BAZ2B: variants seen among roughly 807,000 people sequenced by gnomAD.
BAZ2B encodes bromodomain adjacent to zinc finger domain protein 2B.
Under a neutral mutation model 246.0 loss-of-function variants are expected in BAZ2B, and 91 were observed. The ratio of observed to expected loss-of-function variants is 0.37; its 90% CI spans 0.31 to 0.44. The LOEUF (loss-of-function observed/expected upper bound fraction) is 0.44. Among genes scored for constraint, BAZ2B ranks in the 20% least tolerant of loss-of-function variants. The probability of loss-of-function intolerance (pLI) is 1.00; values close to 1 mark genes in which losing one functional copy is unlikely to be tolerated. For synonymous variants in BAZ2B, 855 were observed against 860.0 expected, an observed-to-expected ratio of 0.99 and a Z score of 0.10; for missense variants, 2,332 against 2,533.7, an observed-to-expected ratio of 0.92 and a Z score of 1.71.
intron 2 of BAZ2B, among the ~76,000 whole-genome samples, chr2:159,553,328 G>A (rs1486371664): frequency 7.1e-6 from 1 of 141,052 alleles, no homozygotes; most frequent in Non-Finnish European, 1.5e-5. Context: ...CCAGGAGGCA[G>A]AGGCTGCAGT....
chr2:159,623,168 A>G, the BAZ2B span, among the ~76,000 whole-genome samples: 19 of 150,984 alleles, frequency 1.3e-4, no homozygotes, highest in Non-Finnish European at 1.2e-4. Flanking sequence ...GGAGGAGGGA[A>G]GGAGGGAAGG....
intron 21 of BAZ2B, among the ~76,000 whole-genome samples, chr2:159,388,247 A>C (rs56221593): frequency 0.019 from 2,930 of 152,214 alleles, 112 homozygotes; most frequent in African/African-American, 0.067. Context: ...AATAATATAG[A>C]GATGAAATGC....
chr2:159,668,366 A>G, the BAZ2B span, among the ~76,000 whole-genome samples: 1 of 152,200 alleles, frequency 6.6e-6, no homozygotes. Context: ...ACAAATGGTG[A>G]AAGAGGTCAT....
intron 16 of BAZ2B, among the ~76,000 whole-genome samples, chr2:159,401,855 A>G (rs961429560): frequency 6.6e-6 from 1 of 152,228 alleles, no homozygotes; most frequent in Non-Finnish European, 1.5e-5. Context: ...GTTAAAAAAG[A>G]AAACTCAAAG....
At chr2:159,450,245 T>A (rs1375521367) in intron 4 of BAZ2B, among the ~76,000 whole-genome samples, 3 of 151,982 alleles carry the variant, frequency 2.0e-5, no homozygotes, top group African/African-American at 7.3e-5. Flanking sequence ...TGTGGTGGTA[T>A]AGTTCTGTAA....
At chr2:159,383,481 T>C in intron 24 of BAZ2B, 125 bp downstream of exon 24, 3 of 839,744 alleles carry the variant, frequency 3.6e-6, no homozygotes, top group Non-Finnish European at 5.6e-6. Context: ...ATATCCCATC[T>C]AAATTGAGCA....
chr2:159,643,702 C>T, the BAZ2B span, among the ~76,000 whole-genome samples: 1 of 151,858 alleles, frequency 6.6e-6, no homozygotes, highest in East Asian at 1.9e-4. Context: ...TGGTGAAATC[C>T]TGTCTGTACT....
chr2:159,648,877 T>C, the BAZ2B span, among the ~76,000 whole-genome samples: 4 of 152,176 alleles, frequency 2.6e-5, no homozygotes, highest in South Asian at 2.1e-4. Context: ...GTATTCAATT[T>C]TTTTAAAAAA....
chr2:159,460,498 A>G (rs2076277521), intron 3 of BAZ2B: 1 of 152,142 alleles, frequency 6.6e-6, no homozygotes, highest in African/African-American at 2.4e-5. Flanking sequence ...CAAAATTGTT[A>G]TATCATGTCT....
intron 13 of BAZ2B, among the ~76,000 whole-genome samples, chr2:159,425,551 C>CA (rs1302459095): frequency 6.6e-6 from 1 of 151,542 alleles, no homozygotes; most frequent in Non-Finnish European, 1.5e-5. Flanking sequence ...ATGTAGAAAG[C>CA]AAAAAAAATC....
rs763196460 is a variant in BAZ2B, at chr2:159,332,526, T to C, written c.5943+14A>G. The C allele has an allele frequency of 6.3e-7, 1 of 1,580,024 alleles. No individual in the cohort carries two copies. The highest frequency in any genetic ancestry group is 8.6e-7 in the Non-Finnish European group (1 of 1,168,936). On this transcript the variant is annotated intron_variant, in intron 34 of 36. Coordinates refer to ENST00000392783, the MANE Select transcript of BAZ2B (RefSeq NM_013450.4). ...TAAAATAAAATGAAAAGTTTAGTTT[T>C]AGATTGGTCTTACCTTAGCAATGCA...
At chr2:159,407,949 G>C (rs2066214938) in intron 14 of BAZ2B, among the ~76,000 whole-genome samples, 1 of 152,126 alleles carries the variant, frequency 6.6e-6, no homozygotes, top group South Asian at 2.1e-4. Context: ...ATTAAGAATT[G>C]AAAGTTTTGA....
chr2:159,521,701 A>G (rs545873082), intron 2 of BAZ2B, among the ~76,000 whole-genome samples: 3 of 152,188 alleles, frequency 2.0e-5, no homozygotes, highest in African/African-American at 7.2e-5. Flanking sequence ...TATTCATCAC[A>G]TTTATTTTCA....
At chr2:159,551,263 A>T (rs1008386321) in intron 2 of BAZ2B, among the ~76,000 whole-genome samples, 2 of 152,062 alleles carry the variant, frequency 1.3e-5, no homozygotes, top group Non-Finnish European at 2.9e-5. Flanking sequence ...AAGTCAGGAG[A>T]TCAAAACCAT....
chr2:159,592,640 G>A (rs1174572429), intron 1 of BAZ2B, among the ~76,000 whole-genome samples: 5 of 152,208 alleles, frequency 3.3e-5, no homozygotes, highest in Admixed American at 3.3e-4. Flanking sequence ...AAATGACCAT[G>A]TGATCAAGAA....
intron 34 of BAZ2B, among the ~76,000 whole-genome samples, chr2:159,332,326 CA>C (rs11409022): frequency 2.8e-4 from 39 of 141,362 alleles, no homozygotes; most frequent in African/African-American, 2.4e-4. Flanking sequence ...ATCTCTCTCT[CA>C]AAAAAAAAAA....
chr2:159,436,690 G>A lies in BAZ2B; in HGVS notation c.1293+1613C>T, dbSNP rs537853446. Among the ~76,000 whole-genome samples, 572 of 152,284 alleles carry A rather than the reference G, an allele frequency of 3.8e-3. 2 individuals are homozygous for A. The highest frequency in any genetic ancestry group is 0.013 in the African/African-American group (535 of 41,552). ...GGCGTGAACCCAGGAGGTGGAGCTTGCAGTGAGCGGAGATCTTGCCACTGC... is the reference window on the plus strand; with the variant it reads ...GGCGTGAACCCAGGAGGTGGAGCTTACAGTGAGCGGAGATCTTGCCACTGC... On this transcript the variant is annotated intron_variant, in intron 8 of 36. Transcript: ENST00000392783.
chr2:159,680,760 C>T, the BAZ2B span, among the ~76,000 whole-genome samples: 1 of 152,078 alleles, frequency 6.6e-6, no homozygotes, highest in African/African-American at 2.4e-5. Context: ...CTGTCCTTTG[C>T]AGTAGGGGCT....
the BAZ2B span, among the ~76,000 whole-genome samples, chr2:159,676,952 TTATATATATATATATATATATATATATA>T: frequency 3.1e-4 from 37 of 117,818 alleles, no homozygotes; most frequent in Admixed American, 2.6e-3. Context: ...AATAGTTTTG[TTATATATATATATATATATATATATATA>T]TATATATATA....
Sources: allele counts gnomAD v4.1 joint callset (sites outside exome capture counted in the v4.1 genomes callset), GRCh38; gene constraint gnomAD v4.1.1; transcripts MANE v1.5; gene names NCBI Gene and HGNC (gene_info 2026-07-23, HGNC 2026-07-21).